Variants in RPTOR observed in about 807,000 individuals in gnomAD.
RPTOR encodes regulatory-associated protein of mTOR.
Under a neutral mutation model 169.9 loss-of-function variants are expected in RPTOR, and 21 were observed. The ratio of observed to expected loss-of-function variants is 0.12; its 90% CI spans 0.09 to 0.18. RPTOR has a LOEUF of 0.18. RPTOR is among the 10% of genes least tolerant of loss of function. The pLI, the probability that RPTOR is intolerant of heterozygous loss-of-function variation, is 1.00. For missense variants in RPTOR, 1,133 were observed against 1,855.9 expected, an observed-to-expected ratio of 0.61 and a Z score of 7.16; for synonymous variants, 732 against 753.2, an observed-to-expected ratio of 0.97 and a Z score of 0.46.
At chr17:80,928,126 C>T (rs942947848) in intron 24 of RPTOR, among the ~76,000 whole-genome samples, 3 of 152,176 alleles carry the variant, frequency 2.0e-5, no homozygotes, top group African/African-American at 2.4e-5. Flanking sequence ...AAAAGAGCGC[C>T]GTGTTGTGGT....
intron 20 of RPTOR, among the ~76,000 whole-genome samples, chr17:80,898,234 C>T (rs1442091462): frequency 4.6e-5 from 7 of 152,236 alleles, no homozygotes; most frequent in Non-Finnish European, 1.5e-5. Context: ...TCCCTTGAGG[C>T]TGTCTGCAGT....
rs1446664086 is a variant in RPTOR at position 80,735,782 on chromosome 17, C to G, written c.654+5076C>G. 2.0e-5 allele frequency among the ~76,000 whole-genome samples: 3 copies of G among 152,124 alleles called. No homozygotes were observed. The East Asian group carries it at 5.8e-4, about 29-fold the overall frequency. On this transcript the variant is annotated intron_variant, in intron 5 of 33. Coordinates refer to ENST00000306801, the MANE Select transcript of RPTOR (RefSeq NM_020761.3). Reference sequence around the variant, plus strand: ...ATAGCCATCTGCTTTTGGTTTAGGGCTGGAGCATAGGCAAGTTTTTGGTGG... The same window carrying G: ...ATAGCCATCTGCTTTTGGTTTAGGGGTGGAGCATAGGCAAGTTTTTGGTGG...
chr17:80,677,635 A>G (rs1327235160), intron 3 of RPTOR, among the ~76,000 whole-genome samples: 1 of 152,086 alleles, frequency 6.6e-6, no homozygotes, highest in Non-Finnish European at 1.5e-5. Context: ...CCACCTTTTC[A>G]GGCGTTTGCT....
intron 5 of RPTOR, among the ~76,000 whole-genome samples, chr17:80,738,356 C>T (rs1478473561): frequency 6.6e-6 from 1 of 152,260 alleles, no homozygotes; most frequent in Non-Finnish European, 1.5e-5. Context: ...TCTCTGTGCC[C>T]ATGCACCATC....
At chr17:80,797,045 T>G (rs2067108291) in intron 7 of RPTOR, among the ~76,000 whole-genome samples, 1 of 152,248 alleles carries the variant, frequency 6.6e-6, no homozygotes, top group African/African-American at 2.4e-5. Context: ...AACGCTATTT[T>G]TATGTTTTTT....
intron 2 of RPTOR, among the ~76,000 whole-genome samples, chr17:80,638,341 C>G (rs2065524800): frequency 1.3e-5 from 2 of 151,242 alleles, no homozygotes; most frequent in Admixed American, 6.6e-5. Flanking sequence ...GCACACAGCT[C>G]TGTGCCCACA....
chr17:80,602,729 G>C (rs1450469185), intron 1 of RPTOR: 6 of 765,988 alleles, frequency 7.8e-6, no homozygotes, highest in Non-Finnish European at 1.4e-5. Flanking sequence ...TGTTGAGCCT[G>C]GTGTCAATGC....
intron 1 of RPTOR, among the ~76,000 whole-genome samples, chr17:80,595,861 T>G (rs1443317650): frequency 1.3e-5 from 2 of 152,194 alleles, no homozygotes; most frequent in Non-Finnish European, 1.5e-5. Flanking sequence ...TTGATTCTTC[T>G]TATAGGAGTC....
At chr17:80,904,116 C>T (rs1009963142) in intron 20 of RPTOR, among the ~76,000 whole-genome samples, 10 of 152,202 alleles carry the variant, frequency 6.6e-5, no homozygotes, top group African/African-American at 2.4e-4. Flanking sequence ...TGGGCAGCTG[C>T]AGGGCCCACG....
chr17:80,676,938 G>A (rs1269170192), intron 3 of RPTOR, among the ~76,000 whole-genome samples: 1 of 152,168 alleles, frequency 6.6e-6, no homozygotes, highest in Non-Finnish European at 1.5e-5. Context: ...GGGGAGAGCT[G>A]TATTTTAATA....
At chr17:80,599,876 T>G (rs541686332) in intron 1 of RPTOR, among the ~76,000 whole-genome samples, 29 of 152,292 alleles carry the variant, frequency 1.9e-4, no homozygotes, top group Admixed American at 1.7e-3. Flanking sequence ...ATGAACTTGC[T>G]CATCTAGTTT....
chr17:80,720,105 C>T (rs1391388874), intron 4 of RPTOR, among the ~76,000 whole-genome samples: 1 of 151,958 alleles, frequency 6.6e-6, no homozygotes, highest in Non-Finnish European at 1.5e-5. Flanking sequence ...AGTTTGAGAC[C>T]AGCATGGTGA....
intron 3 of RPTOR, among the ~76,000 whole-genome samples, chr17:80,685,644 T>TTTTTTTTTTTTTTTTTTTTTTTTA (rs2065940513): frequency 2.8e-5 from 2 of 72,302 alleles, no homozygotes; most frequent in Admixed American, 1.7e-4. Context: ...TTTTTTTTTT[T>TTTTTTTTTTTTTTTTTTTTTTTTA]TTTTTTTTTT....
Position 80,708,129 on chromosome 17 carries a change from A to C in RPTOR, c.507+130A>C. The C allele has an allele frequency of 1.1e-6, 1 of 898,576 alleles. No homozygotes were observed. The highest frequency in any genetic ancestry group is 3.4e-4 in the Middle Eastern group (1 of 2,904). 55.7% of individuals were successfully genotyped at this position (898,576 alleles called of 1,614,324 possible). A position where few individuals can be genotyped will look rare whatever the true frequency, so the allele number is the denominator to read the frequency against. On this transcript the variant is annotated intron_variant, in intron 4 of 33. Coordinates refer to ENST00000306801, the MANE Select transcript of RPTOR (RefSeq NM_020761.3). This position sits in a 1 kb window ranked among gnomAD's most constrained non-coding sequence, Gnocchi z 4.2. ...GTTTACTGTGTTTCAACAAACCCAAATGCCATAACTGAACGGACCAGGTAG... is the reference window on the plus strand; with the variant it reads ...GTTTACTGTGTTTCAACAAACCCAACTGCCATAACTGAACGGACCAGGTAG...
intron 3 of RPTOR, among the ~76,000 whole-genome samples, chr17:80,644,175 C>T (rs1407343193): frequency 2.6e-5 from 4 of 152,054 alleles, no homozygotes; most frequent in South Asian, 2.1e-4. Context: ...AACGCTATTC[C>T]GCGTGTCTTC....
At position 80,799,031 on chromosome 17, in the gene RPTOR, G is replaced by A. The variant is rs554146285; in HGVS notation, c.890+7522G>A. 5.9e-5 allele frequency among the ~76,000 whole-genome samples: 9 copies of A among 152,306 alleles called. No homozygotes were observed. The South Asian group carries it at 1.2e-3, about 21-fold the overall frequency. On this transcript the variant is annotated intron_variant, in intron 7 of 33. Transcript: ENST00000306801. ...GCCGGCATGACCTCCCTGGGGAAGC[G>A]TTTGCATTGCTGCCCTTTTTGCCAA...
rs1284867579 is a variant in RPTOR at position 80,695,702 on chromosome 17, A to G, written c.349-12139A>G. Among the ~76,000 whole-genome samples, 1 of 152,184 alleles carries G rather than the reference A, an allele frequency of 6.6e-6. No homozygotes were observed. Among genetic ancestry groups the G allele is most frequent in the Non-Finnish European group, 1.5e-5 (1 of 68,024 alleles). Reference sequence around the variant, plus strand: ...GCCAGTGGAGTGGTGTGACTTTTGTATTTATAGACTTCTTCCAAAGGTCAC... The same window carrying G: ...GCCAGTGGAGTGGTGTGACTTTTGTGTTTATAGACTTCTTCCAAAGGTCAC... On this transcript the variant is annotated intron_variant, in intron 3 of 33. Coordinates refer to ENST00000306801, the MANE Select transcript of RPTOR (RefSeq NM_020761.3). This position sits in a 1 kb window ranked among gnomAD's most constrained non-coding sequence, Gnocchi z 4.9.
chr17:80,560,315 A>G (rs1381147059), intron 1 of RPTOR, among the ~76,000 whole-genome samples: 1 of 152,176 alleles, frequency 6.6e-6, no homozygotes, highest in Non-Finnish European at 1.5e-5. Flanking sequence ...AGGATGGACA[A>G]TGAATTCACA....
At chr17:80,627,299 C>T (rs959755867) in intron 2 of RPTOR, among the ~76,000 whole-genome samples, 1 of 152,190 alleles carries the variant, frequency 6.6e-6, no homozygotes, top group Non-Finnish European at 1.5e-5. Context: ...GGATTACAGG[C>T]GTGAGACACC....
Sources: gnomAD v4.1 joint callset for allele counts (sites outside exome capture counted in the v4.1 genomes callset) on GRCh38, gnomAD v4.1.1 for gene constraint, Gnocchi (gnomAD v3.1) non-coding constraint, MANE v1.5 for transcripts, NCBI Gene and HGNC (gene_info 2026-07-23, HGNC 2026-07-21) for gene names.